Variants in KPNA3 observed in about 807,000 individuals in gnomAD.
The protein encoded by KPNA3 is karyopherin subunit alpha 3.
Under a neutral mutation model 73.8 loss-of-function variants are expected in KPNA3, and 13 were observed. The ratio of observed to expected loss-of-function variants is 0.18; its 90% CI spans 0.11 to 0.28. The LOEUF (loss-of-function observed/expected upper bound fraction) is 0.28. KPNA3 is among the 10% of genes least tolerant of loss of function. KPNA3 has a pLI of 1.00. For missense variants in KPNA3, 360 were observed against 618.1 expected (o/e 0.58, Z 4.43); for synonymous variants, 186 against 206.9 (o/e 0.90, Z 0.87).
intron 1 of KPNA3, among the ~76,000 whole-genome samples, chr13:49,755,476 G>T (rs1189877763): frequency 6.6e-6 from 1 of 152,156 alleles, no homozygotes; most frequent in Non-Finnish European, 1.5e-5. Flanking sequence ...AGAAAATAAA[G>T]TAAAAGGCAT....
intron 1 of KPNA3, among the ~76,000 whole-genome samples, chr13:49,764,735 A>G (rs1360766971): frequency 6.6e-6 from 1 of 151,634 alleles, no homozygotes; most frequent in Non-Finnish European, 1.5e-5. Flanking sequence ...TATCATGAGC[A>G]TGACCATGTC....
intron 1 of KPNA3, 67 bp downstream of exon 1, chr13:49,792,371 C>A (rs1185263442): frequency 8.5e-7 from 1 of 1,182,748 alleles, no homozygotes; most frequent in South Asian, 1.8e-5. Context: ...GGCGCCGGCC[C>A]CCCGCCCCTC....
chr13:49,717,569 T>C (rs74076207), intron 10 of KPNA3, among the ~76,000 whole-genome samples: 208 of 152,364 alleles, frequency 1.4e-3, no homozygotes, highest in African/African-American at 4.8e-3. Context: ...CCCCGTGTTC[T>C]TGAAATGACT....
chr13:49,776,315 T>A (rs1191332157), intron 1 of KPNA3, among the ~76,000 whole-genome samples: 1 of 152,214 alleles, frequency 6.6e-6, no homozygotes, highest in East Asian at 1.9e-4. Flanking sequence ...ACACTGTTGT[T>A]ACCAGCCATA....
intron 2 of KPNA3, among the ~76,000 whole-genome samples, chr13:49,742,816 C>T (rs1954584869): frequency 1.3e-5 from 2 of 152,158 alleles, no homozygotes; most frequent in Non-Finnish European, 2.9e-5. Flanking sequence ...CATTTTGGCA[C>T]AAGCTCCCTA....
intron 11 of KPNA3, 117 bp from the exon 12 acceptor site, chr13:49,709,817 C>T: frequency 1.2e-6 from 1 of 829,078 alleles, no homozygotes; most frequent in South Asian, 2.6e-5. Flanking sequence ...TTATTTCATC[C>T]TTTCACAAAG....
At chr13:49,791,039 G>T (rs1955028716) in intron 1 of KPNA3, among the ~76,000 whole-genome samples, 1 of 152,072 alleles carries the variant, frequency 6.6e-6, no homozygotes, top group African/African-American at 2.4e-5. Flanking sequence ...CTTACAAAGG[G>T]TATTTAACCA....
At chr13:49,714,852 C>CAAT (rs966563513) in intron 10 of KPNA3, among the ~76,000 whole-genome samples, 6 of 151,816 alleles carry the variant, frequency 4.0e-5, no homozygotes, top group African/African-American at 1.5e-4. Flanking sequence ...AACTGCAAAC[C>CAAT]AATATCACTT....
chr13:49,724,903 A>C (rs1263448999), intron 7 of KPNA3, among the ~76,000 whole-genome samples: 1 of 152,216 alleles, frequency 6.6e-6, no homozygotes, highest in Non-Finnish European at 1.5e-5. Flanking sequence ...TCTGGTGAGA[A>C]TAGTATTCTC....
At chr13:49,710,813 T>A (rs1468899131) in intron 11 of KPNA3, 78 bp downstream of exon 11, 1 of 1,277,218 alleles carries the variant, frequency 7.8e-7, no homozygotes, top group African/African-American at 1.5e-5. Context: ...ACAGATAGAA[T>A]TAAAGCCTAG....
At chr13:49,762,089 C>A (rs1954768985) in intron 1 of KPNA3, among the ~76,000 whole-genome samples, 5 of 151,532 alleles carry the variant, frequency 3.3e-5, no homozygotes, top group Admixed American at 3.3e-4. Context: ...CCGGCAGACG[C>A]CCCATCCGGG....
intron 1 of KPNA3, among the ~76,000 whole-genome samples, chr13:49,774,770 C>T (rs1954882963): frequency 6.6e-6 from 1 of 152,194 alleles, no homozygotes; most frequent in South Asian, 2.1e-4. Flanking sequence ...CCTGGCTATG[C>T]CCCCTAACTG....
chr13:49,710,991 T>C lies in KPNA3; in HGVS notation c.803A>G (p.Tyr268Cys), dbSNP rs1414694114. Residue 268 changes from tyrosine to cysteine, a missense_variant, in exon 11 of 17, where the codon TAC becomes TGC. This residue lies in a region of KPNA3 where 287 missense variants were observed against 549.1 expected (regional missense o/e 0.52). Transcript: ENST00000261667. Reference sequence around the variant, plus strand: ...CTGTTCATTACCTCCATCTGTCAAGTATGACAGAGCCCAAACAGTGTCTAC... The same window carrying C: ...CTGTTCATTACCTCCATCTGTCAAGCATGACAGAGCCCAAACAGTGTCTAC... The part of the protein sequence containing the change: ...ILVDTVWALS[Y>C]LTDGGNEQIQ... 6.2e-7 allele frequency: 1 copy of C among 1,611,924 alleles called. No individual in the cohort carries two copies. Among genetic ancestry groups the C allele is most frequent in the Non-Finnish European group, 8.5e-7 (1 of 1,178,538 alleles).
intron 1 of KPNA3, among the ~76,000 whole-genome samples, chr13:49,763,884 T>C (rs1954788237): frequency 6.6e-6 from 1 of 151,960 alleles, no homozygotes; most frequent in Non-Finnish European, 1.5e-5. Context: ...CTGGGCAACA[T>C]AATGAGACAT....
chr13:49,711,175 T>C (rs1224960788), intron 10 of KPNA3, among the ~76,000 whole-genome samples, 153 bp from the exon 11 acceptor site: 2 of 152,250 alleles, frequency 1.3e-5, no homozygotes, highest in African/African-American at 4.8e-5. Context: ...ATCTATTAAG[T>C]AGAAAGTACC....
Position 49,701,478 on chromosome 13 carries a change from T to A in KPNA3, c.*322A>T, listed in dbSNP as rs1358962672. 2.0e-6 allele frequency: 1 copy of A among 489,216 alleles called. No homozygotes were observed. The highest frequency in any genetic ancestry group is 2.3e-5 in the Admixed American group (1 of 43,168). 30.3% of individuals were successfully genotyped at this position (489,216 alleles called of 1,614,324 possible). A position where few individuals can be genotyped will look rare whatever the true frequency, so the allele number is the denominator to read the frequency against. Reference sequence around the variant, plus strand: ...AAGGAGTATCAGTGGGCAGCTGACATGTCACCACTATGGAATATTTATTCT... The same window carrying A: ...AAGGAGTATCAGTGGGCAGCTGACAAGTCACCACTATGGAATATTTATTCT... On this transcript the variant is annotated 3_prime_UTR_variant, in exon 17 of 17. Transcript: ENST00000261667.
At chr13:49,726,553 A>G (rs1335746187) in intron 6 of KPNA3, among the ~76,000 whole-genome samples, 1 of 152,128 alleles carries the variant, frequency 6.6e-6, no homozygotes, top group Admixed American at 6.5e-5. Flanking sequence ...TTCTACAGAT[A>G]TGCTAAGGAT....
Position 49,732,474 on chromosome 13 carries a change from AATAAAT to A in KPNA3, c.288-14_288-9del. 1 of 1,548,322 alleles carries A rather than the reference AATAAAT, an allele frequency of 6.5e-7. No individual in the cohort carries two copies. Among genetic ancestry groups the A allele is most frequent in the Non-Finnish European group, 8.8e-7 (1 of 1,133,004 alleles). On this transcript the variant is annotated splice_polypyrimidine_tract_variant and intron_variant, in intron 5 of 16. Transcript: ENST00000261667. ...TCACTGGATAACAGTTTTCTAGGAA[AATAAAT>A]ATGAGAAATTAATTGCTATAATTTT...
At chr13:49,769,002 C>T (rs904171253) in intron 1 of KPNA3, among the ~76,000 whole-genome samples, 2 of 152,148 alleles carry the variant, frequency 1.3e-5, no homozygotes, top group Non-Finnish European at 2.9e-5. Flanking sequence ...AGACAAAAAC[C>T]CACCAACTCA....
Sources: gnomAD v4.1 joint callset for allele counts (sites outside exome capture counted in the v4.1 genomes callset) on GRCh38, gnomAD v4.1.1 for gene constraint, gnomAD v4.1.1 regional missense constraint, MANE v1.5 for transcripts, NCBI Gene and HGNC (gene_info 2026-07-23, HGNC 2026-07-21) for gene names.